Variants in COL23A1 observed in about 807,000 individuals in gnomAD.
The protein encoded by COL23A1 is collagen type XXIII alpha 1 chain, also known as collagen alpha-1(XXIII) chain.
A neutral mutation model predicts 99.3 loss-of-function variants in COL23A1; 97 were observed. The ratio of observed to expected loss-of-function variants is 0.98; its 90% CI spans 0.83 to 1.16. The LOEUF (loss-of-function observed/expected upper bound fraction) is 1.16. Among genes scored for constraint, COL23A1 ranks in the 50% most tolerant of loss-of-function variants. The pLI is 0.00. For missense variants in COL23A1, 762 were observed against 757.4 expected (o/e 1.01, Z -0.07); for synonymous variants, 320 against 308.2 (o/e 1.04, Z -0.40).
chr5:178,351,006 G>A (rs1761292110), intron 2 of COL23A1: 1 of 152,250 alleles, frequency 6.6e-6, no homozygotes, highest in Non-Finnish European at 1.5e-5. Flanking sequence ...CAGCGGGGGT[G>A]GTCTCCTGGG....
At chr5:178,495,822 C>T (rs1315365642) in intron 2 of COL23A1, among the ~76,000 whole-genome samples, 2 of 152,268 alleles carry the variant, frequency 1.3e-5, no homozygotes, top group South Asian at 2.1e-4. Flanking sequence ...TCTGTGAATG[C>T]TTTCTAGCCG....
At chr5:178,312,026 C>T (rs982020491) in intron 2 of COL23A1, among the ~76,000 whole-genome samples, 3 of 152,160 alleles carry the variant, frequency 2.0e-5, no homozygotes, top group African/African-American at 4.8e-5. Flanking sequence ...CTACCGCGCC[C>T]GGCCTGCGTA....
At chr5:178,502,738 C>G (rs1227558725) in intron 2 of COL23A1, among the ~76,000 whole-genome samples, 3 of 152,212 alleles carry the variant, frequency 2.0e-5, no homozygotes, top group Non-Finnish European at 2.9e-5. Context: ...AGTTGACGGT[C>G]CAGCAACGCC....
intron 2 of COL23A1, among the ~76,000 whole-genome samples, chr5:178,482,625 G>T (rs1474321925): frequency 1.3e-5 from 2 of 152,208 alleles, no homozygotes; most frequent in African/African-American, 2.4e-5. Context: ...CGGGCGTGGT[G>T]GCCCACACCT....
chr5:178,563,866 A>G (rs1269579032), intron 1 of COL23A1, among the ~76,000 whole-genome samples: 1 of 152,174 alleles, frequency 6.6e-6, no homozygotes, highest in African/African-American at 2.4e-5. Context: ...ATTCGCAGAT[A>G]TTAAGGCAGA....
intron 3 of COL23A1, among the ~76,000 whole-genome samples, chr5:178,300,871 A>AT (rs748148528): frequency 9.9e-5 from 15 of 151,588 alleles, no homozygotes; most frequent in South Asian, 2.1e-4. Flanking sequence ...GCCAAGATTC[A>AT]TTTTTTTTGC....
At chr5:178,336,599 A>G (rs1281565304) in intron 2 of COL23A1, among the ~76,000 whole-genome samples, 1 of 152,208 alleles carries the variant, frequency 6.6e-6, no homozygotes, top group East Asian at 1.9e-4. Context: ...CACTGCTTAC[A>G]GGGGAGGAGT....
At chr5:178,267,717 A>G (rs1755985518) in intron 7 of COL23A1, among the ~76,000 whole-genome samples, 1 of 152,228 alleles carries the variant, frequency 6.6e-6, no homozygotes, top group Non-Finnish European at 1.5e-5. Flanking sequence ...TTAAGCAGCA[A>G]TAGACACCAA....
chr5:178,282,386 C>T (rs1756946868), intron 5 of COL23A1, among the ~76,000 whole-genome samples: 1 of 152,158 alleles, frequency 6.6e-6, no homozygotes, highest in Non-Finnish European at 1.5e-5. Context: ...AGCAGCAGGG[C>T]TGGATACAGA....
intron 2 of COL23A1, among the ~76,000 whole-genome samples, chr5:178,315,777 T>C (rs1471223186): frequency 3.4e-5 from 5 of 145,480 alleles, no homozygotes; most frequent in African/African-American, 7.8e-5. Flanking sequence ...TTTTTTTTTT[T>C]TTTTTTTCAA....
At chr5:178,538,449 C>T (rs1170584932) in intron 2 of COL23A1, among the ~76,000 whole-genome samples, 4 of 152,194 alleles carry the variant, frequency 2.6e-5, no homozygotes, top group Non-Finnish European at 4.4e-5. Flanking sequence ...ATTCAGTAGA[C>T]ATAAAATTAC....
intron 2 of COL23A1, among the ~76,000 whole-genome samples, chr5:178,476,232 C>T (rs1562005572): frequency 2.0e-5 from 3 of 152,156 alleles, no homozygotes; most frequent in South Asian, 2.1e-4. Flanking sequence ...GCATGCCTGC[C>T]GTTCTGTAGG....
At position 178,428,898 on chromosome 5, in the gene COL23A1, T is replaced by A. The variant is rs1483252344; in HGVS notation, c.362-121979A>T. ...GGGCAGGGCTGCCTTTGCCTCCCTA[T>A]TGTTTCCAAGCCAGCTCCCTACCCG... On this transcript the variant is annotated intron_variant, in intron 2 of 28. Coordinates refer to ENST00000390654, the MANE Select transcript of COL23A1 (RefSeq NM_173465.4). The surrounding 1 kb of genome is among the most constrained non-coding windows in gnomAD (Gnocchi z 5.0). 1.3e-5 allele frequency among the ~76,000 whole-genome samples: 2 copies of A among 152,084 alleles called. No homozygotes were observed. Among genetic ancestry groups the A allele is most frequent in the Non-Finnish European group, 2.9e-5 (2 of 67,984 alleles).
At chr5:178,488,795 C>T (rs1049368933) in intron 2 of COL23A1, among the ~76,000 whole-genome samples, 3 of 152,044 alleles carry the variant, frequency 2.0e-5, no homozygotes, top group Non-Finnish European at 2.9e-5. Context: ...TCTGGAGCTC[C>T]GTGAGGGTAG....
At chr5:178,442,161 G>A (rs1256190356) in intron 2 of COL23A1, among the ~76,000 whole-genome samples, 1 of 151,308 alleles carries the variant, frequency 6.6e-6, no homozygotes, top group African/African-American at 2.4e-5. Context: ...GTCCCCAGAT[G>A]ATTAAAAAAA....
At chr5:178,572,723 G>A (rs955653869) in intron 1 of COL23A1, among the ~76,000 whole-genome samples, 8 of 152,324 alleles carry the variant, frequency 5.3e-5, no homozygotes, top group South Asian at 2.1e-4. Flanking sequence ...GGACTGGCAC[G>A]TGAATACCCA....
intron 2 of COL23A1, among the ~76,000 whole-genome samples, chr5:178,557,163 C>T (rs556959600): frequency 1.3e-5 from 2 of 152,256 alleles, no homozygotes; most frequent in South Asian, 4.2e-4. Context: ...CTGGCACACG[C>T]AGCACGCCAA....
intron 2 of COL23A1, among the ~76,000 whole-genome samples, chr5:178,469,781 G>A (rs1325210174): frequency 6.6e-6 from 1 of 152,146 alleles, no homozygotes; most frequent in Admixed American, 6.5e-5. Flanking sequence ...AATCGGTCGT[G>A]GGGAGGAGGT....
chr5:178,478,673 A>C (rs137862465), intron 2 of COL23A1, among the ~76,000 whole-genome samples: 1 of 152,070 alleles, frequency 6.6e-6, no homozygotes, highest in Non-Finnish European at 1.5e-5. Context: ...AATCAAGTTA[A>C]TGTTTTCAAT....
Sources: gnomAD v4.1 joint callset for allele counts (sites outside exome capture counted in the v4.1 genomes callset) on GRCh38, gnomAD v4.1.1 for gene constraint, Gnocchi (gnomAD v3.1) non-coding constraint, MANE v1.5 for transcripts, NCBI Gene and HGNC (gene_info 2026-07-23, HGNC 2026-07-21) for gene names.